Variants in SUMF2 observed in about 807,000 individuals in gnomAD.
The protein encoded by SUMF2 is sulfatase modifying factor 2, also known as inactive C-alpha-formylglycine-generating enzyme 2.
A neutral mutation model predicts 44.8 loss-of-function variants in SUMF2; 45 were observed. The observed-to-expected ratio is 1.00, with a 90% CI of 0.79 to 1.29. SUMF2 has a LOEUF of 1.29. Among genes scored for constraint, SUMF2 ranks in the 50% most tolerant of loss-of-function variants. The pLI is 0.00. For synonymous variants in SUMF2, 148 were observed against 150.4 expected (o/e 0.98, Z 0.12); for missense variants, 418 against 389.9 (o/e 1.07, Z -0.61).
the SUMF2 span, chr7:56,087,514 G>C: frequency 1.5e-6 from 2 of 1,362,606 alleles, no homozygotes; most frequent in East Asian, 4.7e-5. Context: ...TTGGCTGTGC[G>C]GTGGGGCCAC....
At position 56,073,140 on chromosome 7, in the gene SUMF2, G is replaced by A. The variant is rs1267731088; in HGVS notation, c.339+29G>A. On this transcript the variant is annotated intron_variant, in intron 3 of 8. Transcript: ENST00000434526. The stretch of plus-strand genomic sequence containing the variant: ...AGAGAACCTGGTCTTGCAGCTGAGG[G>A]GATAGGAGTGGGACCTGGACAGGGA... 3 of 1,552,454 alleles carry A rather than the reference G, an allele frequency of 1.9e-6. No homozygotes were observed. The African/African-American group carries it at 4.1e-5, about 21-fold the overall frequency.
At chr7:56,086,479 T>TTTTTG in the SUMF2 span, among the ~76,000 whole-genome samples, 37 of 152,008 alleles carry the variant, frequency 2.4e-4, no homozygotes, top group Non-Finnish European at 8.8e-5. Context: ...TTTGGGGTTT[T>TTTTTG]TTTTGTTTTG....
chr7:56,081,439 C>T, downstream of SUMF2: 2 of 1,298,560 alleles, frequency 1.5e-6, no homozygotes, highest in Non-Finnish European at 2.1e-6. This position sits in a 1 kb window ranked among gnomAD's most constrained non-coding sequence, Gnocchi z 4.6. Context: ...CCCCACTTCC[C>T]ACTTGGCCAG....
intron 2 of SUMF2, among the ~76,000 whole-genome samples, chr7:56,069,077 T>C (rs1330763437): frequency 6.6e-6 from 1 of 152,166 alleles, no homozygotes; most frequent in African/African-American, 2.4e-5. Flanking sequence ...CAGTGTACTA[T>C]GGGATATGTT....
Position 56,080,273 on chromosome 7 carries a change from T to G in SUMF2, c.*661T>G, listed in dbSNP as rs2117517647. The G allele has an allele frequency of 1.2e-5, 2 of 162,154 alleles. No homozygotes were observed. Among genetic ancestry groups the G allele is most frequent in the East Asian group, 3.7e-4 (2 of 5,394 alleles). The allele number at this position is 162,154 out of a possible 1,614,324, so 10.0% of individuals were successfully genotyped here. Reference sequence around the variant, plus strand: ...AAGCTTCCTATTCTTTTTTTTTTTTTTTTTTTTTTTGAGACAGGGTCTTTC... The same window carrying G: ...AAGCTTCCTATTCTTTTTTTTTTTTGTTTTTTTTTTGAGACAGGGTCTTTC... On this transcript the variant is annotated 3_prime_UTR_variant, in exon 9 of 9. Coordinates refer to ENST00000434526, the MANE Select transcript of SUMF2 (RefSeq NM_015411.4).
At chr7:56,070,850 C>G (rs981247483) in intron 2 of SUMF2, among the ~76,000 whole-genome samples, 1 of 152,056 alleles carries the variant, frequency 6.6e-6, no homozygotes, top group African/African-American at 2.4e-5. Context: ...ATGGCAACAA[C>G]ATGGATGAAT....
chr7:56,074,086 C>T (rs747708971), intron 3 of SUMF2, 88 bp from the exon 4 acceptor site: 3 of 1,110,046 alleles, frequency 2.7e-6, no homozygotes, highest in South Asian at 2.5e-5. Flanking sequence ...CTCAGCCTGA[C>T]GTCTCTGTTC....
At chr7:56,068,689 CTTTT>C in intron 2 of SUMF2, 51 bp downstream of exon 2, 1 of 1,501,116 alleles carries the variant, frequency 6.7e-7, no homozygotes, top group Non-Finnish European at 9.0e-7. Context: ...TAATCTCATT[CTTTT>C]TTCTTTCTTT....
chr7:56,079,235 A>G (rs1222920580), intron 8 of SUMF2: 1 of 535,938 alleles, frequency 1.9e-6, no homozygotes, highest in Non-Finnish European at 3.3e-6. Context: ...CTGCTAACAT[A>G]GAAGTTAGTC....
intron 2 of SUMF2, among the ~76,000 whole-genome samples, chr7:56,071,897 G>T (rs1462823825): frequency 6.6e-6 from 1 of 151,884 alleles, no homozygotes; most frequent in Non-Finnish European, 1.5e-5. Flanking sequence ...AGATCATGAA[G>T]TCAGGAGTTT....
chr7:56,065,587 TTTTA>T (rs952502554), intron 1 of SUMF2, among the ~76,000 whole-genome samples: 1 of 152,116 alleles, frequency 6.6e-6, no homozygotes, highest in African/African-American at 2.4e-5. Context: ...TACTTACTCC[TTTTA>T]TTTATTTATT....
intron 7 of SUMF2, 37 bp from the exon 8 acceptor site, chr7:56,078,327 G>C: frequency 1.9e-6 from 3 of 1,560,502 alleles, no homozygotes; most frequent in Non-Finnish European, 2.6e-6. Context: ...GTGGTCGGCG[G>C]GTCCCAGCCT....
downstream of SUMF2, among the ~76,000 whole-genome samples, chr7:56,085,659 T>A (rs1796219960): frequency 6.6e-6 from 1 of 152,026 alleles, no homozygotes; most frequent in African/African-American, 2.4e-5. Context: ...AGATAGTCAG[T>A]GAGATCTTTT....
intron 5 of SUMF2, chr7:56,076,628 G>C: frequency 2.1e-6 from 1 of 473,322 alleles, no homozygotes; most frequent in Admixed American, 4.1e-5. Context: ...GGATTACATT[G>C]CCCTGGAGCA....
intron 5 of SUMF2, among the ~76,000 whole-genome samples, chr7:56,074,952 G>A (rs533518464): frequency 6.6e-6 from 1 of 152,230 alleles, no homozygotes; most frequent in Admixed American, 6.5e-5. Context: ...ACAAAAATGA[G>A]CTGGGCCTGG....
rs752046559 is a variant in SUMF2 at position 56,078,348 on chromosome 7, G to C, written c.677-16G>C. On this transcript the variant is annotated splice_polypyrimidine_tract_variant and intron_variant, in intron 7 of 8. Coordinates refer to ENST00000434526, the MANE Select transcript of SUMF2 (RefSeq NM_015411.4). ...GGCGGGTCCCAGCCTGGCCTGACCC[G>C]CCGGTGGGGCTGCAGGGCTCTATGA... 10 of 1,583,304 alleles carry C rather than the reference G, an allele frequency of 6.3e-6. No individual in the cohort carries two copies. The highest frequency in any genetic ancestry group is 8.6e-6 in the Non-Finnish European group (10 of 1,162,582).
At chr7:56,082,237 G>C, downstream of SUMF2, 1 of 1,613,322 alleles carries the variant, frequency 6.2e-7, no homozygotes. Flanking sequence ...CCAGGTAACT[G>C]GGGGTCCCGC....
At chr7:56,086,967 T>TA in the SUMF2 span, 1 of 1,611,756 alleles carries the variant, frequency 6.2e-7, no homozygotes, top group Non-Finnish European at 8.5e-7. Flanking sequence ...GCTGGGTACT[T>TA]ACAGGTCAAA....
At chr7:56,078,943 C>T in intron 8 of SUMF2, 1 of 537,842 alleles carries the variant, frequency 1.9e-6, no homozygotes, top group Non-Finnish European at 3.3e-6. Context: ...GTTGTCCAGG[C>T]TGGAGTGCAG....
Sources: allele counts gnomAD v4.1 joint callset (sites outside exome capture counted in the v4.1 genomes callset), GRCh38; gene constraint gnomAD v4.1.1; non-coding constraint Gnocchi (gnomAD v3.1); transcripts MANE v1.5; gene names NCBI Gene and HGNC (gene_info 2026-07-23, HGNC 2026-07-21).